Variants in WAC observed in about 807,000 individuals in gnomAD.
WAC encodes the protein WW domain-containing adapter protein with coiled-coil.
WAC carries 11 observed loss-of-function variants against 79.6 expected under a neutral mutation model. The ratio of observed to expected loss-of-function variants is 0.14; its 90% CI spans 0.09 to 0.23. WAC has a LOEUF of 0.23. WAC is among the 10% of genes least tolerant of loss of function. The pLI, the probability that WAC is intolerant of heterozygous loss-of-function variation, is 1.00. For missense variants in WAC, 728 were observed against 773.5 expected (o/e 0.94, Z 0.70); for synonymous variants, 304 against 276.9 (o/e 1.10, Z -0.97).
At chr10:28,566,048 A>G (rs1211047863) in intron 3 of WAC, among the ~76,000 whole-genome samples, 1 of 152,210 alleles carries the variant, frequency 6.6e-6, no homozygotes, top group African/African-American at 2.4e-5. Context: ...AAAATATAGT[A>G]CTGAAGGCTA....
chr10:28,587,266 A>G (rs1262061469), intron 4 of WAC, among the ~76,000 whole-genome samples: 1 of 152,254 alleles, frequency 6.6e-6, no homozygotes, highest in Non-Finnish European at 1.5e-5. Context: ...TAGACATTGA[A>G]CATCTTAGTA....
rs968466275 is a variant in WAC at position 28,611,884 on chromosome 10, C to G, written c.1399C>G (p.Pro467Ala). 2 of 1,614,168 alleles carry G rather than the reference C, an allele frequency of 1.2e-6. No individual in the cohort carries two copies. The highest frequency in any genetic ancestry group is 1.1e-5 in the South Asian group (1 of 91,084). Residue 467 changes from proline (P) to alanine (A), a missense_variant, in exon 10 of 14, where the codon CCT (proline) becomes GCT (alanine). Around this residue, in one of 3 missense-constraint regions of WAC, gnomAD observed 648 missense variants for 661.5 expected, o/e 0.98. Transcript: ENST00000354911. Reference sequence around the variant, plus strand: ...TCAAACTAACACAGTCCCTATCAAACCTTTGATCAGTACTCCTCCTGTTTC... The same window carrying G: ...TCAAACTAACACAGTCCCTATCAAAGCTTTGATCAGTACTCCTCCTGTTTC... ...TPQTNTVPIK[P>A]LISTPPVSSQ...
intron 6 of WAC, 88 bp downstream of exon 6, chr10:28,590,920 T>A: frequency 1.1e-6 from 1 of 927,464 alleles, no homozygotes; most frequent in Non-Finnish European, 1.7e-6. Flanking sequence ...TCTACATATG[T>A]AAATTAAAAT....
At chr10:28,585,411 T>C (rs1172840950) in intron 4 of WAC, among the ~76,000 whole-genome samples, 1 of 152,084 alleles carries the variant, frequency 6.6e-6, no homozygotes, top group African/African-American at 2.4e-5. Flanking sequence ...TAGAGAGTAA[T>C]TTGCACTGTC....
intron 13 of WAC, 157 bp downstream of exon 13, chr10:28,617,941 C>A: frequency 2.3e-6 from 2 of 876,834 alleles, no homozygotes; most frequent in Admixed American, 4.3e-5. Context: ...TAATATTTCT[C>A]GTGAAGGATA....
intron 3 of WAC, among the ~76,000 whole-genome samples, chr10:28,567,068 G>A (rs1423044531): frequency 6.7e-6 from 1 of 149,322 alleles, no homozygotes; most frequent in African/African-American, 2.5e-5. Flanking sequence ...GTATTTCTCT[G>A]TTCTGTTTCC....
intron 3 of WAC, among the ~76,000 whole-genome samples, chr10:28,570,051 G>A (rs922708608): frequency 6.6e-6 from 1 of 152,142 alleles, no homozygotes; most frequent in Non-Finnish European, 1.5e-5. Context: ...TGCTTTGTGA[G>A]CACATGTCTC....
rs116761536 is a variant in WAC at position 28,583,002 on chromosome 10, C to T, written c.275-397C>T. ...ATTGAAATACAGTTGCAAAAACATA[C>T]TGATAACAGTGACTTTTAGTTCTGT... On this transcript the variant is annotated intron_variant, in intron 3 of 13. Coordinates refer to ENST00000354911, the MANE Select transcript of WAC (RefSeq NM_016628.5). Among the ~76,000 whole-genome samples the T allele has an allele frequency of 6.7e-3, 1,019 of 152,226 alleles. 12 individuals are homozygous for T. The highest frequency in any genetic ancestry group is 0.024 in the African/African-American group (978 of 41,554).
At position 28,621,772 on chromosome 10, in the gene WAC, A is replaced by C. The variant is rs1050101095; in HGVS notation, c.*2166A>C. ...TTTGAATTTGATTTGCTTATAGTCT[A>C]CTGGTCTGTGTACCTATGTTTTGTT... is the stretch of plus-strand genomic sequence containing the variant. On this transcript the variant is annotated 3_prime_UTR_variant, in exon 14 of 14. Coordinates refer to ENST00000354911, the MANE Select transcript of WAC (RefSeq NM_016628.5). 6.6e-6 allele frequency: 1 copy of C among 152,226 alleles called. No individual in the cohort carries two copies. Among genetic ancestry groups the C allele is most frequent in the Non-Finnish European group, 1.5e-5 (1 of 68,040 alleles). 9.4% of individuals were successfully genotyped at this position (152,226 alleles called of 1,614,324 possible).
Position 28,608,072 on chromosome 10 carries a change from G to A in WAC, c.920-114G>A, listed in dbSNP as rs899009018. 3.4e-6 allele frequency: 4 copies of A among 1,164,572 alleles called. No individual in the cohort carries two copies. In the East Asian group the frequency reaches 7.0e-5, roughly 20 times the overall value. The allele number at this position is 1,164,572 out of a possible 1,614,324, so 72.1% of individuals were successfully genotyped here. On this transcript the variant is annotated intron_variant, in intron 7 of 13. Transcript: ENST00000354911. ...TCTTCTGTGTGCTCCAGTGTGTAAGGGTTAAATGAGATTACTTACGTTAGG... is the reference window on the plus strand; with the variant it reads ...TCTTCTGTGTGCTCCAGTGTGTAAGAGTTAAATGAGATTACTTACGTTAGG...
chr10:28,560,049 A>G (rs1164205572), intron 3 of WAC, among the ~76,000 whole-genome samples: 1 of 152,196 alleles, frequency 6.6e-6, no homozygotes, highest in Admixed American at 6.5e-5. Context: ...GAAGTTAAGA[A>G]CGAAGAATAA....
rs897929131 is a variant in WAC, at chr10:28,564,260, C to A, written c.275-19139C>A. On this transcript the variant is annotated intron_variant, in intron 3 of 13. Coordinates refer to ENST00000354911, the MANE Select transcript of WAC (RefSeq NM_016628.5). ...AGAGCCAGACCTTGTCTCAAAAAAA[C>A]AAAACCAAACAAAACAAAAACCCTA... Among the ~76,000 whole-genome samples the A allele has an allele frequency of 4.6e-5, 7 of 152,206 alleles. No homozygotes were observed. The East Asian group carries it at 9.6e-4, about 21-fold the overall frequency.
At chr10:28,592,246 C>G (rs1333659283) in intron 6 of WAC, among the ~76,000 whole-genome samples, 1 of 151,858 alleles carries the variant, frequency 6.6e-6, no homozygotes, top group Non-Finnish European at 1.5e-5. Context: ...AAAATGAGAC[C>G]GAGGTTTTCC....
At position 28,595,916 on chromosome 10, in the gene WAC, C is replaced by G; in HGVS notation, c.794C>G (p.Ser265Cys). 3.7e-6 allele frequency: 6 copies of G among 1,614,170 alleles called. No individual in the cohort carries two copies. Among genetic ancestry groups the G allele is most frequent in the Non-Finnish European group, 4.2e-6 (5 of 1,180,020 alleles). ...ACTGCTACCCCAAGCACTGTTCCTT[C>G]TAGTCCATTTACGCTACAGTCTGAT... ...HPTATPSTVP[S>C]SPFTLQSDHQ... Residue 265 changes from serine (S) to cysteine (C), a missense_variant, in exon 7 of 14, where the codon TCT becomes TGT. Around this residue, in one of 3 missense-constraint regions of WAC, gnomAD observed 648 missense variants for 661.5 expected, o/e 0.98. Coordinates refer to ENST00000354911, the MANE Select transcript of WAC (RefSeq NM_016628.5).
At chr10:28,612,147 A>G (rs979435427) in intron 10 of WAC, among the ~76,000 whole-genome samples, 1 of 152,162 alleles carries the variant, frequency 6.6e-6, no homozygotes. Context: ...TCTGTTCCCT[A>G]ATGGTTTTGG....
At chr10:28,555,310 T>TA (rs1400417484) in intron 3 of WAC, among the ~76,000 whole-genome samples, 5 of 152,218 alleles carry the variant, frequency 3.3e-5, no homozygotes, top group Non-Finnish European at 7.3e-5. Context: ...ATCTCTGAGT[T>TA]ATGCTCTTCA....
chr10:28,554,700 C>A (rs889815432), intron 3 of WAC, among the ~76,000 whole-genome samples: 24 of 152,136 alleles, frequency 1.6e-4, no homozygotes, highest in Non-Finnish European at 3.2e-4. Flanking sequence ...TTGTAAAAAT[C>A]TTTTATTGCC....
intron 3 of WAC, among the ~76,000 whole-genome samples, chr10:28,544,915 T>G (rs1047101006): frequency 6.6e-6 from 1 of 151,760 alleles, no homozygotes; most frequent in Non-Finnish European, 1.5e-5. Context: ...AATACAAAAA[T>G]TAGCTGGGGC....
chr10:28,571,102 C>T (rs1000734374), intron 3 of WAC, among the ~76,000 whole-genome samples: 2 of 151,362 alleles, frequency 1.3e-5, no homozygotes, highest in Non-Finnish European at 1.5e-5. Flanking sequence ...GGACTACAGG[C>T]GCTCGCCACC....
Sources: allele counts gnomAD v4.1 joint callset (sites outside exome capture counted in the v4.1 genomes callset), GRCh38; gene constraint gnomAD v4.1.1; regional missense constraint gnomAD v4.1.1; transcripts MANE v1.5; gene names NCBI Gene and HGNC (gene_info 2026-07-23, HGNC 2026-07-21).